The following KIAA1217 variants were observed in gnomAD, a reference collection of about 807,000 sequenced individuals.
KIAA1217 encodes the protein sickle tail protein homolog.
In KIAA1217, 88 loss-of-function variants were observed where a neutral mutation model predicts 163.9. The observed-to-expected ratio is 0.54, with a 90% CI of 0.45 to 0.64. The LOEUF is 0.64. Among genes scored for constraint, KIAA1217 ranks in the 30% least tolerant of loss-of-function variants. KIAA1217 has a pLI of 0.00. For missense variants in KIAA1217, 2,372 were observed against 2,475.0 expected, an observed-to-expected ratio of 0.96 and a Z score of 0.88; for synonymous variants, 903 against 923.1, an observed-to-expected ratio of 0.98 and a Z score of 0.39.
intron 1 of KIAA1217, among the ~76,000 whole-genome samples, chr10:23,789,602 C>G (rs1835646843): frequency 6.6e-6 from 1 of 151,966 alleles, no homozygotes; most frequent in Non-Finnish European, 1.5e-5. Flanking sequence ...GATACATAGC[C>G]CATTCTAGCA....
intron 1 of KIAA1217, among the ~76,000 whole-genome samples, chr10:23,728,052 G>A (rs1184342857): frequency 1.3e-5 from 2 of 152,260 alleles, no homozygotes; most frequent in East Asian, 3.9e-4. Context: ...TATCATTGAT[G>A]GGCATTTGGG....
chr10:24,469,031 A>T (rs1192952967), intron 5 of KIAA1217, among the ~76,000 whole-genome samples: 2 of 152,308 alleles, frequency 1.3e-5, no homozygotes, highest in East Asian at 3.9e-4. Context: ...TCAACTTTTT[A>T]TGAATTTAAA....
At chr10:23,864,032 A>G (rs1032768070) in intron 1 of KIAA1217, among the ~76,000 whole-genome samples, 4 of 152,018 alleles carry the variant, frequency 2.6e-5, no homozygotes, top group Non-Finnish European at 5.9e-5. Context: ...AATGCTTTCC[A>G]TACATGATTA....
At position 23,796,732 on chromosome 10, in the gene KIAA1217, T is replaced by G. The variant is rs183907983; in HGVS notation, c.-321+101498T>G. On this transcript the variant is annotated intron_variant, in intron 1 of 18. Transcript: ENST00000376462. ...CAGCTCCAGGGTCTGGACCTTCAAA[T>G]TCTCATGGGAGAACAAAGCAGCTCT... Among the ~76,000 whole-genome samples, 428 of 152,204 alleles carry G rather than the reference T, an allele frequency of 2.8e-3. 3 individuals carry two copies. The highest frequency in any genetic ancestry group is 9.1e-3 in the Admixed American group (139 of 15,278).
intron 3 of KIAA1217, among the ~76,000 whole-genome samples, chr10:24,398,849 C>G (rs2056181324): frequency 6.6e-6 from 1 of 152,132 alleles, no homozygotes; most frequent in Non-Finnish European, 1.5e-5. Context: ...ATGTGCAAAC[C>G]AAAGTCTAGT....
In KIAA1217 at chr10:23,704,152, G is replaced by A. The variant is rs1184349610; in HGVS notation, c.-321+8918G>A. 5.0e-4 allele frequency among the ~76,000 whole-genome samples: 35 copies of A among 70,518 alleles called. 1 individual carries two copies. The highest frequency in any genetic ancestry group is 5.7e-3 in the Middle Eastern group (1 of 174). 46.3% of individuals were successfully genotyped at this position (70,518 alleles called of 152,430 possible). ...TGCATGTATGTGTGTGTGTATGTGTGTGTGTGTGTGTGTGTGTGTGTATAT... is the reference window on the plus strand; with the variant it reads ...TGCATGTATGTGTGTGTGTATGTGTATGTGTGTGTGTGTGTGTGTGTATAT... On this transcript the variant is annotated intron_variant, in intron 1 of 18. Coordinates refer to the KIAA1217 transcript ENST00000376462.
intron 1 of KIAA1217, among the ~76,000 whole-genome samples, chr10:23,876,744 C>CT (rs1054526513): frequency 3.3e-5 from 5 of 151,106 alleles, no homozygotes; most frequent in South Asian, 2.1e-4. Context: ...TAATTCAGTG[C>CT]TTTTTTTTTC....
chr10:24,098,761 T>TGTGTGTGTGTGTGTGTGAG (rs1554865639), intron 2 of KIAA1217, among the ~76,000 whole-genome samples: 1 of 108,464 alleles, frequency 9.2e-6, no homozygotes, highest in African/African-American at 4.8e-5. Flanking sequence ...GTGTGTGTGT[T>TGTGTGTGTGTGTGTGTGAG]AGAGAGAGAC....
chr10:24,499,303 T>C (rs918502178), intron 8 of KIAA1217, among the ~76,000 whole-genome samples: 1 of 152,234 alleles, frequency 6.6e-6, no homozygotes, highest in African/African-American at 2.4e-5. Context: ...CTTTCATAGT[T>C]GGAGAATATC....
rs545405383 is a variant in KIAA1217 at position 24,011,217 on chromosome 10, G to A, written c.-171+3843G>A. On this transcript the variant is annotated intron_variant, in intron 2 of 18. Transcript: ENST00000376462. ...GAAATTGTCTTCAGCCTGGTGCAGTGGCTCACACCTATAGTCCCAACATTT... is the reference window on the plus strand; with the variant it reads ...GAAATTGTCTTCAGCCTGGTGCAGTAGCTCACACCTATAGTCCCAACATTT... Among the ~76,000 whole-genome samples the A allele has an allele frequency of 2.0e-5, 3 of 152,228 alleles. No individual in the cohort carries two copies. In the South Asian group the frequency reaches 6.2e-4, roughly 32 times the overall value.
At chr10:23,867,624 T>C (rs1042299379) in intron 1 of KIAA1217, among the ~76,000 whole-genome samples, 1 of 152,250 alleles carries the variant, frequency 6.6e-6, no homozygotes, top group Non-Finnish European at 1.5e-5. Flanking sequence ...TTTTTTCATG[T>C]GTTTTTTGGC....
rs145722236 is a variant in KIAA1217, at chr10:23,789,230, CTTTTA to C, written c.-321+94001_-321+94005del. 7.0e-3 allele frequency among the ~76,000 whole-genome samples: 1,064 copies of C among 152,172 alleles called. 16 individuals carry two copies. The highest frequency in any genetic ancestry group is 0.025 in the African/African-American group (1,021 of 41,504). On this transcript the variant is annotated intron_variant, in intron 1 of 18. Transcript: ENST00000376462. The stretch of plus-strand genomic sequence containing the variant: ...CAGTATTAGAGGCTTGTGTTGGTGA[CTTTTA>C]TTTTTAATCTTTGGTGATTCAACGT...
rs534555089 is a variant in KIAA1217, at chr10:24,503,592, A to G, written c.2001+2047A>G. Among the ~76,000 whole-genome samples, 9 of 152,342 alleles carry G rather than the reference A, an allele frequency of 5.9e-5. No homozygotes were observed. The Middle Eastern group carries it at 0.017, about 288-fold the overall frequency. On this transcript the variant is annotated intron_variant, in intron 9 of 20. Coordinates refer to ENST00000376454, the MANE Select transcript of KIAA1217 (RefSeq NM_019590.5). ...TCCAACTGGCTCTTAACCTGATAGAATAAGTATCCAGTGTTTCTAGATGTT... is the reference window on the plus strand; with the variant it reads ...TCCAACTGGCTCTTAACCTGATAGAGTAAGTATCCAGTGTTTCTAGATGTT...
At position 23,698,022 on chromosome 10, in the gene KIAA1217, A is replaced by C. The variant is rs78125845; in HGVS notation, c.-321+2788A>C. Reference sequence around the variant, plus strand: ...TAGTTTTTGGAAACTTTTCAGTGCTATGTGATTTGGGGCAATTTGTAGAAT... The same window carrying C: ...TAGTTTTTGGAAACTTTTCAGTGCTCTGTGATTTGGGGCAATTTGTAGAAT... On this transcript the variant is annotated intron_variant, in intron 1 of 18. Coordinates refer to the KIAA1217 transcript ENST00000376462. 1.1e-3 allele frequency among the ~76,000 whole-genome samples: 174 copies of C among 152,270 alleles called. 11 individuals carry two copies. The East Asian group carries it at 0.027, about 24-fold the overall frequency.
chr10:23,798,456 C>A (rs559416321), intron 1 of KIAA1217, among the ~76,000 whole-genome samples: 3 of 152,130 alleles, frequency 2.0e-5, no homozygotes, highest in Non-Finnish European at 4.4e-5. Context: ...GACAATTGAC[C>A]CTCTGAGTTC....
intron 1 of KIAA1217, among the ~76,000 whole-genome samples, chr10:23,740,291 T>C (rs559348167): frequency 6.6e-6 from 1 of 152,336 alleles, no homozygotes; most frequent in East Asian, 1.9e-4. Context: ...TTTCTACTTA[T>C]TTTACACAGT....
intron 2 of KIAA1217, among the ~76,000 whole-genome samples, chr10:24,082,759 C>A (rs2061579581): frequency 6.6e-6 from 1 of 151,920 alleles, no homozygotes; most frequent in South Asian, 2.1e-4. Context: ...GGGTATATAC[C>A]CAGTAATGGG....
At chr10:23,851,577 G>A (rs1408962597) in intron 1 of KIAA1217, among the ~76,000 whole-genome samples, 1 of 152,110 alleles carries the variant, frequency 6.6e-6, no homozygotes, top group Non-Finnish European at 1.5e-5. Context: ...AGATCCCTGA[G>A]GAATCGCCAC....
At chr10:24,433,997 A>ATCTCTCTCTCCCTCTC (rs1240795352) in intron 4 of KIAA1217, among the ~76,000 whole-genome samples, 25 of 132,542 alleles carry the variant, frequency 1.9e-4, no homozygotes, top group Admixed American at 5.5e-4. Context: ...AAACAAAAGC[A>ATCTCTCTCTCCCTCTC]TCTCTCTCTC....
Sources: allele counts gnomAD v4.1 joint callset (sites outside exome capture counted in the v4.1 genomes callset), GRCh38; gene constraint gnomAD v4.1.1; transcripts MANE v1.5; gene names NCBI Gene and HGNC (gene_info 2026-07-23, HGNC 2026-07-21).